Variants in RRP1B observed in about 807,000 individuals in gnomAD.
RRP1B encodes ribosomal RNA processing protein 1 homolog B.
A neutral mutation model predicts 80.2 loss-of-function variants in RRP1B; 56 were observed. The ratio of observed to expected loss-of-function variants is 0.70; its 90% CI spans 0.56 to 0.87. The LOEUF (loss-of-function observed/expected upper bound fraction) is 0.87. Ranked by LOEUF, RRP1B falls within the 40% of genes least tolerant of loss-of-function variation. RRP1B has a pLI of 0.00. For synonymous variants in RRP1B, 351 were observed against 357.6 expected, an observed-to-expected ratio of 0.98 and a Z score of 0.21; for missense variants, 807 against 939.8, an observed-to-expected ratio of 0.86 and a Z score of 1.85.
intron 1 of RRP1B, among the ~76,000 whole-genome samples, chr21:43,668,732 T>TGCG (rs2082988281): frequency 6.6e-6 from 1 of 152,176 alleles, no homozygotes; most frequent in Non-Finnish European, 1.5e-5. Context: ...AATATTTGTT[T>TGCG]GCATTCATCT....
At chr21:43,685,316 C>T (rs932000289) in intron 10 of RRP1B, among the ~76,000 whole-genome samples, 7 of 152,174 alleles carry the variant, frequency 4.6e-5, no homozygotes, top group Non-Finnish European at 8.8e-5. Context: ...AGTGTCTCCT[C>T]CCCCATGCAC....
At position 43,691,145 on chromosome 21, in the gene RRP1B, G is replaced by A. The variant is rs973474245; in HGVS notation, c.2020-294G>A. ...TCCCTGGATCGTAGAACCCTGCAGC[G>A]GTAATGAGGCAGTGACCGCAGATGG... On this transcript the variant is annotated intron_variant, in intron 14 of 15. Coordinates refer to ENST00000340648, the MANE Select transcript of RRP1B (RefSeq NM_015056.3). The surrounding 1 kb of genome is among the most constrained non-coding windows in gnomAD (Gnocchi z 4.2). Among the ~76,000 whole-genome samples the A allele has an allele frequency of 5.3e-5, 8 of 152,180 alleles. No individual in the cohort carries two copies. Among genetic ancestry groups the A allele is most frequent in the Admixed American group, 3.3e-4 (5 of 15,280 alleles).
rs963793575 is a variant in RRP1B at position 43,695,849 on chromosome 21, T to C, written c.*2466T>C. On this transcript the variant is annotated 3_prime_UTR_variant, in exon 16 of 16. Transcript: ENST00000340648. ...CAAGTTTGTTATCCTTTCTAATTTT[T>C]ACTGAACTGAAAGCACAAAGAAGAC... The C allele has an allele frequency of 2.6e-5, 4 of 152,246 alleles. No individual in the cohort carries two copies. Among genetic ancestry groups the C allele is most frequent in the African/African-American group, 9.6e-5 (4 of 41,462 alleles). 9.4% of individuals were successfully genotyped at this position (152,246 alleles called of 1,614,324 possible). A position where few individuals can be genotyped will look rare whatever the true frequency, so the allele number is the denominator to read the frequency against.
chr21:43,688,697 C>G (rs760777529), intron 13 of RRP1B, among the ~76,000 whole-genome samples: 22 of 152,188 alleles, frequency 1.4e-4, no homozygotes, highest in Non-Finnish European at 2.5e-4. Context: ...CCCCCTACCC[C>G]CCAGCTCAAG....
chr21:43,682,830 AT>A (rs2083048832), intron 8 of RRP1B, among the ~76,000 whole-genome samples: 1 of 152,246 alleles, frequency 6.6e-6, no homozygotes, highest in African/African-American at 2.4e-5. Context: ...GTCCTGGGAA[AT>A]TATAAATGGC....
chr21:43,665,599 T>C (rs2082975155), intron 1 of RRP1B, among the ~76,000 whole-genome samples: 1 of 152,170 alleles, frequency 6.6e-6, no homozygotes, highest in Non-Finnish European at 1.5e-5. Context: ...CAGGCTGGAG[T>C]GCAGTGGTGC....
Position 43,686,797 on chromosome 21 carries a change from C to T in RRP1B, c.1010-7C>T, listed in dbSNP as rs762461105. 1 of 1,613,792 alleles carries T rather than the reference C, an allele frequency of 6.2e-7. No individual in the cohort carries two copies. Among genetic ancestry groups the T allele is most frequent in the Non-Finnish European group, 8.5e-7 (1 of 1,179,876 alleles). On this transcript the variant is annotated splice_region_variant and splice_polypyrimidine_tract_variant and intron_variant, in intron 11 of 15. Transcript: ENST00000340648. Reference sequence around the variant, plus strand: ...GGAAGCTAACAGTGTGTCACTCTGGCATCTAGGAAGCAGTATATCTCAACT... The same window carrying T: ...GGAAGCTAACAGTGTGTCACTCTGGTATCTAGGAAGCAGTATATCTCAACT...
chr21:43,675,430 C>T (rs904973196), intron 6 of RRP1B, among the ~76,000 whole-genome samples: 1 of 152,110 alleles, frequency 6.6e-6, no homozygotes, highest in African/African-American at 2.4e-5. Context: ...GGGGAGTACT[C>T]AGGATCTAGG....
At chr21:43,687,462 G>A in intron 12 of RRP1B, 54 bp from the exon 13 acceptor site, 5 of 1,453,410 alleles carry the variant, frequency 3.4e-6, no homozygotes, top group Non-Finnish European at 4.5e-6. Context: ...ATCGCCAGCA[G>A]GACTCTGGCC....
intron 2 of RRP1B, 109 bp downstream of exon 2, chr21:43,670,075 T>C: frequency 1.5e-6 from 1 of 671,318 alleles, no homozygotes; most frequent in Non-Finnish European, 2.4e-6. Flanking sequence ...ACACTGACAG[T>C]CATGCTTCAA....
At chr21:43,682,001 T>G (rs1301991571) in intron 8 of RRP1B, among the ~76,000 whole-genome samples, 1 of 151,812 alleles carries the variant, frequency 6.6e-6, no homozygotes, top group African/African-American at 2.4e-5. Context: ...GTGTGGAGAC[T>G]CATGCCTATA....
At chr21:43,670,906 G>A (rs60837608) in intron 2 of RRP1B, among the ~76,000 whole-genome samples, 3,979 of 152,208 alleles carry the variant, frequency 0.026, 195 homozygotes, top group African/African-American at 0.088. Context: ...CCCGTGCTGC[G>A]TAATAACTTG....
At position 43,669,895 on chromosome 21, in the gene RRP1B, C is replaced by G. The variant is rs201197840; in HGVS notation, c.142C>G (p.Gln48Glu). The G allele has an allele frequency of 6.2e-7, 1 of 1,612,088 alleles. No homozygotes were observed. Among genetic ancestry groups the G allele is most frequent in the Non-Finnish European group, 8.5e-7 (1 of 1,178,492 alleles). Residue 48 changes from glutamine (Q) to glutamate (E), a missense_variant, in exon 2 of 16, where the codon CAG becomes GAG. Coordinates refer to ENST00000340648, the MANE Select transcript of RRP1B (RefSeq NM_015056.3). ...GTTTTGCCTTCCAGGAGGTTTCAGT[C>G]AGGAAGAACTTCTGAAAATCTGGAA... ...KTQRETGGFS[Q>E]EELLKIWKGL...
chr21:43,688,306 C>T, intron 13 of RRP1B, 66 bp downstream of exon 13: 1 of 1,463,614 alleles, frequency 6.8e-7, no homozygotes, highest in Non-Finnish European at 9.1e-7. Context: ...TGGGGCTCCA[C>T]TGCCTCCTGA....
intron 1 of RRP1B, among the ~76,000 whole-genome samples, chr21:43,669,447 G>A (rs1888157073): frequency 6.6e-6 from 1 of 152,184 alleles, no homozygotes; most frequent in Admixed American, 6.5e-5. Flanking sequence ...TCGGAAGTGG[G>A]GCTGCCCGTT....
At chr21:43,666,618 T>C (rs1479320909) in intron 1 of RRP1B, among the ~76,000 whole-genome samples, 1 of 151,312 alleles carries the variant, frequency 6.6e-6, no homozygotes, top group African/African-American at 2.4e-5. Flanking sequence ...CGTGGGAGGC[T>C]GAGGCAGGAG....
intron 14 of RRP1B, 151 bp downstream of exon 14, chr21:43,690,591 A>G (rs977628259): frequency 5.8e-6 from 5 of 858,786 alleles, no homozygotes; most frequent in Non-Finnish European, 5.3e-6. Context: ...AGGGTAGCAT[A>G]AGGTCTGAGT....
intron 1 of RRP1B, among the ~76,000 whole-genome samples, chr21:43,664,210 G>T (rs907891855): frequency 3.3e-5 from 5 of 151,952 alleles, no homozygotes; most frequent in African/African-American, 4.8e-5. Flanking sequence ...AAGCCGAGGC[G>T]GGTGGATCAC....
chr21:43,692,039 C>T (rs996177761), intron 15 of RRP1B, among the ~76,000 whole-genome samples: 2 of 152,120 alleles, frequency 1.3e-5, no homozygotes, highest in Non-Finnish European at 2.9e-5. Flanking sequence ...GGTGAGTGGG[C>T]AGCCAATTGC....
Sources: allele counts gnomAD v4.1 joint callset (sites outside exome capture counted in the v4.1 genomes callset), GRCh38; gene constraint gnomAD v4.1.1; non-coding constraint Gnocchi (gnomAD v3.1); transcripts MANE v1.5; gene names NCBI Gene and HGNC (gene_info 2026-07-23, HGNC 2026-07-21).